DPP10: variants seen among roughly 807,000 people sequenced by gnomAD.
DPP10 encodes inactive dipeptidyl peptidase 10.
A neutral mutation model predicts 120.9 loss-of-function variants in DPP10; 33 were observed. That is an observed-to-expected ratio of 0.27 (90% CI 0.21 to 0.37). DPP10 has a LOEUF of 0.37. Among genes scored for constraint, DPP10 ranks in the 10% least tolerant of loss-of-function variants. DPP10 has a pLI of 1.00. For synonymous variants in DPP10, 337 were observed against 326.1 expected (o/e 1.03, Z -0.36); for missense variants, 816 against 942.8 (o/e 0.87, Z 1.76).
At chr2:115,410,808 C>A in intron 3 of DPP10, among the ~76,000 whole-genome samples, 1 of 152,106 alleles carries the variant, frequency 6.6e-6, no homozygotes, top group East Asian at 1.9e-4. Context: ...TCCCTAAAAT[C>A]TATTTAAATA....
At chr2:114,990,764 A>C (rs1012469890) in intron 1 of DPP10, among the ~76,000 whole-genome samples, 1 of 152,150 alleles carries the variant, frequency 6.6e-6, no homozygotes, top group African/African-American at 2.4e-5. Context: ...TTTTCTCCTG[A>C]AGATAGTTTC....
chr2:115,743,098 G>T (rs1187841968), intron 9 of DPP10, among the ~76,000 whole-genome samples: 2 of 151,440 alleles, frequency 1.3e-5, no homozygotes, highest in East Asian at 3.9e-4. Flanking sequence ...ATAGAGGGGA[G>T]AAATTTGTGG....
At chr2:115,647,852 TTTC>T (rs1469015002) in intron 5 of DPP10, among the ~76,000 whole-genome samples, 3 of 152,130 alleles carry the variant, frequency 2.0e-5, no homozygotes, top group Non-Finnish European at 4.4e-5. Context: ...TGCTTAAGCA[TTTC>T]TTAAAGGCTT....
At chr2:114,938,161 CAACT>C (rs1188668899) in intron 1 of DPP10, among the ~76,000 whole-genome samples, 1 of 152,168 alleles carries the variant, frequency 6.6e-6, no homozygotes, top group African/African-American at 2.4e-5. Context: ...ACACATCTCC[CAACT>C]GTCGGTTTGT....
intron 7 of DPP10, among the ~76,000 whole-genome samples, chr2:115,702,322 C>A (rs1042957940): frequency 6.6e-6 from 1 of 151,934 alleles, no homozygotes; most frequent in African/African-American, 2.4e-5. Flanking sequence ...AGAAAGTTAT[C>A]ATATGATCCA....
intron 1 of DPP10, among the ~76,000 whole-genome samples, chr2:114,654,796 A>T (rs1696851494): frequency 6.6e-6 from 1 of 152,104 alleles, no homozygotes; most frequent in African/African-American, 2.4e-5. Flanking sequence ...GCAAAGCTGG[A>T]TGTAGTTAAA....
At chr2:115,441,183 A>T (rs1345346146) in intron 3 of DPP10, among the ~76,000 whole-genome samples, 2 of 152,182 alleles carry the variant, frequency 1.3e-5, no homozygotes, top group East Asian at 3.9e-4. Flanking sequence ...CAAATCTAAT[A>T]AAAGTAAATT....
chr2:114,919,911 G>C (rs1024832908), intron 1 of DPP10, among the ~76,000 whole-genome samples: 1 of 152,102 alleles, frequency 6.6e-6, no homozygotes, highest in African/African-American at 2.4e-5. Flanking sequence ...CCCTCCACCT[G>C]GCCTTTTCAT....
chr2:114,973,827 T>C (rs114737393), intron 1 of DPP10, among the ~76,000 whole-genome samples: 2,497 of 152,174 alleles, frequency 0.016, 84 homozygotes, highest in African/African-American at 0.056. Flanking sequence ...GACCGTGATG[T>C]TGATGATCCT....
intron 1 of DPP10, among the ~76,000 whole-genome samples, chr2:114,688,861 AG>A (rs1479309544): frequency 6.6e-6 from 1 of 151,816 alleles, no homozygotes; most frequent in Non-Finnish European, 1.5e-5. Flanking sequence ...AGAAGTTAGG[AG>A]GACATATTTT....
chr2:115,607,252 T>G (rs2083762159), intron 5 of DPP10, among the ~76,000 whole-genome samples: 2 of 152,126 alleles, frequency 1.3e-5, no homozygotes. Flanking sequence ...AGTTAATATA[T>G]TTGAAAAAAT....
At chr2:114,538,107 G>A (rs917389621) in intron 1 of DPP10, among the ~76,000 whole-genome samples, 5 of 152,150 alleles carry the variant, frequency 3.3e-5, no homozygotes, top group African/African-American at 1.2e-4. Context: ...GATAAATTAA[G>A]GATTTGTTCA....
intron 1 of DPP10, among the ~76,000 whole-genome samples, chr2:114,982,708 C>T: frequency 6.6e-6 from 1 of 151,804 alleles, no homozygotes; most frequent in Non-Finnish European, 1.5e-5. Context: ...TCAATCCATC[C>T]TCCCACCTCA....
intron 5 of DPP10, among the ~76,000 whole-genome samples, chr2:115,665,319 G>T (rs571223375): frequency 6.6e-6 from 1 of 152,170 alleles, no homozygotes; most frequent in African/African-American, 2.4e-5. Context: ...TTAACATATT[G>T]CATCCAATCT....
chr2:115,811,006 C>A (rs1419958805), intron 19 of DPP10, among the ~76,000 whole-genome samples: 1 of 152,174 alleles, frequency 6.6e-6, no homozygotes, highest in African/African-American at 2.4e-5. Context: ...AAATGTTTTG[C>A]TATTCCTATT....
chr2:115,208,051 A>C (rs943207874), intron 1 of DPP10, among the ~76,000 whole-genome samples: 8 of 152,194 alleles, frequency 5.3e-5, no homozygotes, highest in Non-Finnish European at 7.3e-5. Flanking sequence ...AAAATCCACT[A>C]ATCTAAGCCC....
At chr2:115,711,081 T>C (rs182685522) in intron 7 of DPP10, among the ~76,000 whole-genome samples, 55 of 152,222 alleles carry the variant, frequency 3.6e-4, no homozygotes, top group Admixed American at 7.9e-4. Flanking sequence ...AAGAAATACT[T>C]TGGGCAAAAC....
At chr2:115,516,511 T>C (rs1177734304) in intron 4 of DPP10, among the ~76,000 whole-genome samples, 1 of 151,100 alleles carries the variant, frequency 6.6e-6, no homozygotes, top group Non-Finnish European at 1.5e-5. Context: ...TAATGTTACA[T>C]CGGTTAATAT....
At chr2:114,742,874 T>A (rs920434453) in intron 1 of DPP10, among the ~76,000 whole-genome samples, 5 of 152,226 alleles carry the variant, frequency 3.3e-5, no homozygotes, top group Non-Finnish European at 7.3e-5. Flanking sequence ...GAAATGCCAA[T>A]GCAGGCAAAC....
Sources: allele counts gnomAD v4.1 joint callset (sites outside exome capture counted in the v4.1 genomes callset), GRCh38; gene constraint gnomAD v4.1.1; transcripts MANE v1.5; gene names NCBI Gene and HGNC (gene_info 2026-07-23, HGNC 2026-07-21).